Variants in SDHAF4 observed in about 807,000 individuals in gnomAD.
The protein encoded by SDHAF4 is succinate dehydrogenase complex assembly factor 4.
Under a neutral mutation model 14.3 loss-of-function variants are expected in SDHAF4, and 14 were observed. That is an observed-to-expected ratio of 0.98 (90% confidence interval 0.65 to 1.53). The LOEUF is 1.53. Among genes scored for constraint, SDHAF4 ranks in the 40% most tolerant of loss-of-function variants. The probability of loss-of-function intolerance (pLI) is 0.00; values close to 1 mark genes in which losing one functional copy is unlikely to be tolerated. For missense variants in SDHAF4, 141 were observed against 129.3 expected, an observed-to-expected ratio of 1.09 and a Z score of -0.44; for synonymous variants, 63 against 47.3, an observed-to-expected ratio of 1.33 and a Z score of -1.36.
intron 1 of SDHAF4, among the ~76,000 whole-genome samples, chr6:70,577,565 A>C (rs1210050221): frequency 6.6e-6 from 1 of 152,084 alleles, no homozygotes; most frequent in African/African-American, 2.4e-5. Context: ...TTAAAATCCG[A>C]AGTTTTATTT....
At position 70,566,980 on chromosome 6, in the gene SDHAF4, T is replaced by C. The variant is rs936734448; in HGVS notation, c.40T>C (p.Ser14Pro). 6.3e-7 allele frequency: 1 copy of C among 1,592,308 alleles called. No individual in the cohort carries two copies. Among genetic ancestry groups the C allele is most frequent in the South Asian group, 1.1e-5 (1 of 87,372 alleles). ...GCTTCCCTGGTTGCTTAGCTGGGTC[T>C]CGGCCACGGCGTGGAGAGCGGCAAG... is the stretch of plus-strand genomic sequence containing the variant. ...SRLPWLLSWV[S>P]ATAWRAARSP... Residue 14 changes from serine to proline, a missense_variant, in exon 1 of 3, where the codon TCG becomes CCG. Transcript: ENST00000370474.
chr6:70,587,523 CTCTG>C (rs1286586792), intron 2 of SDHAF4, among the ~76,000 whole-genome samples: 7 of 152,130 alleles, frequency 4.6e-5, no homozygotes, highest in African/African-American at 1.4e-4. Context: ...AGAATTAGCG[CTCTG>C]TCTAATAGTT....
chr6:70,576,722 C>G (rs2691486), intron 1 of SDHAF4, among the ~76,000 whole-genome samples: 17 of 151,996 alleles, frequency 1.1e-4, no homozygotes, highest in Non-Finnish European at 1.5e-5. Flanking sequence ...TTCCATCAAA[C>G]TAAAAATAAA....
chr6:70,594,305 TC>T (rs1562060951), downstream of SDHAF4, among the ~76,000 whole-genome samples: 1 of 152,208 alleles, frequency 6.6e-6, no homozygotes, highest in Non-Finnish European at 1.5e-5. Context: ...AATGTTTGTC[TC>T]CTCCAAAACT....
intron 1 of SDHAF4, chr6:70,567,527 C>G (rs980664630): frequency 6.6e-6 from 1 of 152,654 alleles, no homozygotes; most frequent in Non-Finnish European, 1.5e-5. Context: ...ATAAGTATAA[C>G]GTAAATTAGA....
chr6:70,567,084 G>T (rs1802107052), intron 1 of SDHAF4, 80 bp downstream of exon 1: 3 of 1,369,930 alleles, frequency 2.2e-6, no homozygotes, highest in Non-Finnish European at 3.0e-6. Context: ...TCCCGCGGAG[G>T]AAGCCGCGTG....
intron 2 of SDHAF4, among the ~76,000 whole-genome samples, chr6:70,582,152 C>A (rs989467350): frequency 2.6e-5 from 4 of 152,090 alleles, no homozygotes; most frequent in African/African-American, 9.7e-5. Flanking sequence ...GCTCACTGCA[C>A]CCTCAACCTC....
chr6:70,574,580 C>T (rs1275695653), intron 1 of SDHAF4, among the ~76,000 whole-genome samples: 1 of 152,098 alleles, frequency 6.6e-6, no homozygotes, highest in Non-Finnish European at 1.5e-5. Context: ...ATCACAAGTC[C>T]CACCTAGAAC....
At chr6:70,590,043 G>A (rs1765244933), downstream of SDHAF4, among the ~76,000 whole-genome samples, 1 of 152,126 alleles carries the variant, frequency 6.6e-6, no homozygotes, top group South Asian at 2.1e-4. Context: ...TTCGAGACCA[G>A]CCTGGCCAAC....
chr6:70,591,297 G>A (rs1765255488), downstream of SDHAF4, among the ~76,000 whole-genome samples: 1 of 134,476 alleles, frequency 7.4e-6, no homozygotes, highest in African/African-American at 2.8e-5. Context: ...AATTATGAAT[G>A]TATTTTTCCA....
chr6:70,594,258 T>C (rs146282865), downstream of SDHAF4, among the ~76,000 whole-genome samples: 257 of 152,346 alleles, frequency 1.7e-3, no homozygotes, highest in African/African-American at 5.9e-3. Flanking sequence ...ACATTAGTTT[T>C]GGAAGGCCAG....
At chr6:70,581,821 G>C (rs1203695847) in intron 2 of SDHAF4, among the ~76,000 whole-genome samples, 1 of 151,948 alleles carries the variant, frequency 6.6e-6, no homozygotes, top group Non-Finnish European at 1.5e-5. Context: ...TGTTACCCAG[G>C]CTGGCCTCAA....
At chr6:70,578,353 GT>G (rs1802281541) in intron 1 of SDHAF4, among the ~76,000 whole-genome samples, 1 of 152,104 alleles carries the variant, frequency 6.6e-6, no homozygotes, top group East Asian at 1.9e-4. Context: ...TAATATGTTT[GT>G]TGGCCGCTTA....
At chr6:70,583,500 G>A (rs1015128879) in intron 2 of SDHAF4, among the ~76,000 whole-genome samples, 1 of 152,132 alleles carries the variant, frequency 6.6e-6, no homozygotes, top group Non-Finnish European at 1.5e-5. Flanking sequence ...AGAGAAAGAG[G>A]CTGCAGAACA....
chr6:70,570,774 CA>C (rs1260321234), intron 1 of SDHAF4, among the ~76,000 whole-genome samples: 7 of 152,228 alleles, frequency 4.6e-5, no homozygotes, highest in East Asian at 1.9e-4. Context: ...AAAATTGCTA[CA>C]TTTTTTTTTA....
At chr6:70,585,380 A>C (rs1765184646) in intron 2 of SDHAF4, among the ~76,000 whole-genome samples, 3 of 152,336 alleles carry the variant, frequency 2.0e-5, no homozygotes, top group Admixed American at 6.5e-5. Flanking sequence ...TAATGCCCTT[A>C]TAAGAAGAGA....
intron 1 of SDHAF4, among the ~76,000 whole-genome samples, chr6:70,570,379 G>A (rs530486929): frequency 1.3e-5 from 2 of 152,184 alleles, no homozygotes; most frequent in African/African-American, 4.8e-5. Flanking sequence ...CTGGAGTGCA[G>A]TGGCGCAATC....
chr6:70,597,860 T>G, the SDHAF4 span, among the ~76,000 whole-genome samples: 2 of 152,184 alleles, frequency 1.3e-5, no homozygotes, highest in Non-Finnish European at 2.9e-5. Flanking sequence ...ATAAAAATTT[T>G]TAAGCCCTTC....
At chr6:70,571,912 G>C (rs919084188) in intron 1 of SDHAF4, among the ~76,000 whole-genome samples, 1 of 151,758 alleles carries the variant, frequency 6.6e-6, no homozygotes, top group African/African-American at 2.4e-5. Flanking sequence ...TCAATATATA[G>C]GCATAAAGTT....
Sources: gnomAD v4.1 joint callset for allele counts (sites outside exome capture counted in the v4.1 genomes callset) on GRCh38, gnomAD v4.1.1 for gene constraint, MANE v1.5 for transcripts, NCBI Gene and HGNC (gene_info 2026-07-23, HGNC 2026-07-21) for gene names.